NKAIN2: variants seen among roughly 807,000 people sequenced by gnomAD.
The protein encoded by NKAIN2 is sodium/potassium-transporting ATPase subunit beta-1-interacting protein 2.
NKAIN2 carries 14 observed loss-of-function variants against 32.6 expected under a neutral mutation model. The observed-to-expected ratio is 0.43, with a 90% CI of 0.28 to 0.67. NKAIN2 has a LOEUF of 0.67. NKAIN2 is among the 30% of genes least tolerant of loss of function. The pLI, the probability that NKAIN2 is intolerant of heterozygous loss-of-function variation, is 0.17. For missense variants in NKAIN2, 198 were observed against 258.3 expected, an observed-to-expected ratio of 0.77 and a Z score of 1.60; for synonymous variants, 80 against 87.2, an observed-to-expected ratio of 0.92 and a Z score of 0.46.
At chr6:124,384,649 CTTTA>C (rs1408741226) in intron 3 of NKAIN2, among the ~76,000 whole-genome samples, 2 of 145,336 alleles carry the variant, frequency 1.4e-5, no homozygotes, top group Admixed American at 1.3e-4. Flanking sequence ...GAGACAGGGT[CTTTA>C]TTTGTCACCT....
At chr6:124,500,311 G>A (rs1189867345) in intron 3 of NKAIN2, among the ~76,000 whole-genome samples, 1 of 151,960 alleles carries the variant, frequency 6.6e-6, no homozygotes, top group Non-Finnish European at 1.5e-5. Context: ...GAACAGCAGG[G>A]TATACAAAAA....
intron 2 of NKAIN2, among the ~76,000 whole-genome samples, chr6:124,321,009 A>G (rs1303404100): frequency 1.3e-5 from 2 of 152,198 alleles, no homozygotes; most frequent in Non-Finnish European, 2.9e-5. Flanking sequence ...GGCAGCGTAT[A>G]GGATTTCATC....
At chr6:124,743,656 C>G (rs1354096711) in intron 4 of NKAIN2, among the ~76,000 whole-genome samples, 1 of 151,858 alleles carries the variant, frequency 6.6e-6, no homozygotes, top group East Asian at 1.9e-4. Flanking sequence ...GTTTCTGTGT[C>G]TTTCCTGTTT....
At chr6:123,914,562 C>A (rs1325368680) in intron 1 of NKAIN2, among the ~76,000 whole-genome samples, 1 of 152,068 alleles carries the variant, frequency 6.6e-6, no homozygotes, top group Non-Finnish European at 1.5e-5. Context: ...GTTCATAACA[C>A]CCTCCAAGCT....
At chr6:124,274,434 T>C (rs1389499867) in intron 1 of NKAIN2, among the ~76,000 whole-genome samples, 1 of 152,170 alleles carries the variant, frequency 6.6e-6, no homozygotes, top group Non-Finnish European at 1.5e-5. Context: ...TACTGGCTTA[T>C]TGAATTAGCA....
At chr6:124,753,057 T>C (rs1777797431) in intron 4 of NKAIN2, among the ~76,000 whole-genome samples, 1 of 152,132 alleles carries the variant, frequency 6.6e-6, no homozygotes, top group African/African-American at 2.4e-5. Context: ...TTAGGTTCTT[T>C]ACGGTAAGTC....
At chr6:124,061,575 C>A (rs934514690) in intron 1 of NKAIN2, among the ~76,000 whole-genome samples, 3 of 152,016 alleles carry the variant, frequency 2.0e-5, no homozygotes, top group Non-Finnish European at 4.4e-5. Flanking sequence ...AGAGTAAATG[C>A]AGAACTGTTC....
At chr6:124,704,823 T>G (rs778823162) in intron 4 of NKAIN2, among the ~76,000 whole-genome samples, 17 of 151,958 alleles carry the variant, frequency 1.1e-4, no homozygotes, top group Non-Finnish European at 1.8e-4. Context: ...CTTAACTTCC[T>G]GGTGATTTTA....
chr6:124,375,348 G>A (rs183127126), intron 3 of NKAIN2, among the ~76,000 whole-genome samples: 201 of 148,102 alleles, frequency 1.4e-3, no homozygotes, highest in African/African-American at 4.6e-3. Flanking sequence ...TTCCATATAC[G>A]TATCAAGAAC....
intron 4 of NKAIN2, among the ~76,000 whole-genome samples, chr6:124,773,416 G>T (rs1778850283): frequency 6.6e-6 from 1 of 152,054 alleles, no homozygotes; most frequent in Admixed American, 6.6e-5. Context: ...GAAAACTGAG[G>T]TAATTGAAGA....
intron 1 of NKAIN2, among the ~76,000 whole-genome samples, chr6:123,932,406 C>CTTTTTTTTTTTTTTTTTTTTT (rs57063550): frequency 1.1e-4 from 11 of 104,388 alleles, no homozygotes; most frequent in East Asian, 4.9e-4. Context: ...TTCTGTCTTT[C>CTTTTTTTTTTTTTTTTTTTTT]TTTTTTTTTT....
At chr6:124,721,126 T>C (rs928930478) in intron 4 of NKAIN2, among the ~76,000 whole-genome samples, 4 of 152,144 alleles carry the variant, frequency 2.6e-5, no homozygotes, top group South Asian at 2.1e-4. Flanking sequence ...CTTAGAAATA[T>C]GAAACGTTGG....
intron 1 of NKAIN2, among the ~76,000 whole-genome samples, chr6:123,983,034 G>T (rs1157074995): frequency 7.6e-6 from 1 of 130,802 alleles, no homozygotes; most frequent in Admixed American, 1.0e-4. Flanking sequence ...TGCCTGCTAT[G>T]TGCTAGGCTG....
At chr6:124,332,258 G>GAGAA (rs1368324498) in intron 2 of NKAIN2, among the ~76,000 whole-genome samples, 33 of 151,866 alleles carry the variant, frequency 2.2e-4, no homozygotes, top group African/African-American at 8.0e-4. Flanking sequence ...GAGAGAGAGA[G>GAGAA]AGAGAAAGAG....
chr6:124,690,497 A>G (rs1583653956), intron 4 of NKAIN2, among the ~76,000 whole-genome samples: 1 of 152,176 alleles, frequency 6.6e-6, no homozygotes, highest in East Asian at 1.9e-4. Flanking sequence ...TTGAAAGGGG[A>G]CATATTTATA....
At chr6:124,010,469 A>G (rs1006558988) in intron 1 of NKAIN2, among the ~76,000 whole-genome samples, 1 of 151,074 alleles carries the variant, frequency 6.6e-6, no homozygotes, top group Non-Finnish European at 1.5e-5. Flanking sequence ...TTGCAAATTT[A>G]CAAGAGGATC....
intron 1 of NKAIN2, among the ~76,000 whole-genome samples, chr6:124,148,253 G>GA (rs1168638916): frequency 4.0e-5 from 6 of 151,270 alleles, no homozygotes; most frequent in Non-Finnish European, 8.8e-5. Flanking sequence ...AGCTTTATTT[G>GA]AAAAAATGCG....
At chr6:124,681,109 C>T (rs1373531670) in intron 4 of NKAIN2, among the ~76,000 whole-genome samples, 2 of 151,932 alleles carry the variant, frequency 1.3e-5, no homozygotes, top group Non-Finnish European at 2.9e-5. Context: ...AGTCATACAG[C>T]TGAATCCTTC....
chr6:124,119,692 G>T lies in NKAIN2; in HGVS notation c.55-163313G>T, dbSNP rs557993955. On this transcript the variant is annotated intron_variant, in intron 1 of 6. Coordinates refer to ENST00000368417, the MANE Select transcript of NKAIN2 (RefSeq NM_001040214.3). ...ATGAAAAAATACATTTTAGGGAAAA[G>T]AAAAACAAGTAGATCTGACTGCCCT... is the stretch of plus-strand genomic sequence containing the variant. Among the ~76,000 whole-genome samples, 5 of 152,240 alleles carry T rather than the reference G, an allele frequency of 3.3e-5. No homozygotes were observed. The South Asian group carries it at 1.0e-3, about 32-fold the overall frequency.
Sources: gnomAD v4.1 joint callset for allele counts (sites outside exome capture counted in the v4.1 genomes callset) on GRCh38, gnomAD v4.1.1 for gene constraint, MANE v1.5 for transcripts, NCBI Gene and HGNC (gene_info 2026-07-23, HGNC 2026-07-21) for gene names.